Variants in BMERB1 observed in about 807,000 individuals in gnomAD.
BMERB1 encodes the protein bMERB domain-containing protein 1.
In BMERB1, 12 loss-of-function variants were observed where a neutral mutation model predicts 23.6. The ratio of observed to expected loss-of-function variants is 0.51; its 90% CI spans 0.33 to 0.82. BMERB1 has a LOEUF of 0.82. Among genes scored for constraint, BMERB1 ranks in the 40% least tolerant of loss-of-function variants. BMERB1 has a pLI of 0.03. For synonymous variants in BMERB1, 122 were observed against 96.6 expected, an observed-to-expected ratio of 1.26 and a Z score of -1.54; for missense variants, 247 against 255.4, an observed-to-expected ratio of 0.97 and a Z score of 0.22.
rs1012811670 is a variant in BMERB1, at chr16:15,503,499, C to T, written c.107-11806C>T. Among the ~76,000 whole-genome samples, 8 of 149,354 alleles carry T rather than the reference C, an allele frequency of 5.4e-5. No homozygotes were observed. In the East Asian group the frequency reaches 9.8e-4, roughly 18 times the overall value. On this transcript the variant is annotated intron_variant, in intron 1 of 5. Coordinates refer to ENST00000300006, the MANE Select transcript of BMERB1 (RefSeq NM_033201.3). ...ATTTGTAGTAGAGACGGCGTTTCAC[C>T]GTGTTATCCAGGATGGTCTCGATCT... is the stretch of plus-strand genomic sequence containing the variant.
chr16:15,520,009 C>G (rs974579119), intron 2 of BMERB1, among the ~76,000 whole-genome samples: 1 of 152,050 alleles, frequency 6.6e-6, no homozygotes. Flanking sequence ...CTGTTTCCCG[C>G]GGGCACTGAT....
At chr16:15,565,546 G>T (rs530730340) in intron 2 of BMERB1, among the ~76,000 whole-genome samples, 1 of 152,314 alleles carries the variant, frequency 6.6e-6, no homozygotes, top group Admixed American at 6.5e-5. Flanking sequence ...CAACATAGTA[G>T]ATGTTCAATA....
chr16:15,472,121 A>G (rs1156276476), intron 1 of BMERB1, among the ~76,000 whole-genome samples: 1 of 152,224 alleles, frequency 6.6e-6, no homozygotes, highest in Non-Finnish European at 1.5e-5. Context: ...GTCAGGGAAT[A>G]TAACACATAA....
chr16:15,547,435 A>G (rs1203555048), intron 2 of BMERB1, among the ~76,000 whole-genome samples: 2 of 150,410 alleles, frequency 1.3e-5, no homozygotes, highest in Non-Finnish European at 3.0e-5. Flanking sequence ...TCCGCCTCCC[A>G]GGTTCAAGCG....
chr16:15,493,694 C>T (rs2051444514), intron 1 of BMERB1, among the ~76,000 whole-genome samples: 1 of 151,884 alleles, frequency 6.6e-6, no homozygotes, highest in Non-Finnish European at 1.5e-5. Context: ...TCCCTGCGTC[C>T]CCCCTCCGCA....
intron 2 of BMERB1, among the ~76,000 whole-genome samples, chr16:15,533,341 A>C (rs539927501): frequency 1.3e-5 from 2 of 151,894 alleles, no homozygotes; most frequent in African/African-American, 4.8e-5. Context: ...GGCACCTAAG[A>C]TTTGTCTCAA....
chr16:15,555,957 A>G (rs2030245026), intron 2 of BMERB1, among the ~76,000 whole-genome samples: 2 of 152,142 alleles, frequency 1.3e-5, no homozygotes, highest in African/African-American at 4.8e-5. Context: ...AGGCGGGTGG[A>G]TCACCTGAGG....
At chr16:15,585,636 C>G (rs2031122203) in intron 5 of BMERB1, among the ~76,000 whole-genome samples, 1 of 152,118 alleles carries the variant, frequency 6.6e-6, no homozygotes, top group African/African-American at 2.4e-5. Context: ...TCGAGACCAG[C>G]CTGACCAATA....
intron 1 of BMERB1, among the ~76,000 whole-genome samples, chr16:15,446,826 A>C (rs2050994051): frequency 6.6e-6 from 1 of 152,168 alleles, no homozygotes; most frequent in African/African-American, 2.4e-5. Context: ...ACATCTCACC[A>C]CTTCAAAGTG....
At chr16:15,560,192 C>T (rs1027168112) in intron 2 of BMERB1, among the ~76,000 whole-genome samples, 2 of 152,202 alleles carry the variant, frequency 1.3e-5, no homozygotes, top group Admixed American at 1.3e-4. Flanking sequence ...TAGAGCTCCA[C>T]CTCGCTTGTC....
chr16:15,501,262 G>A lies in BMERB1; in HGVS notation c.107-14043G>A, dbSNP rs575267136. Among the ~76,000 whole-genome samples the A allele has an allele frequency of 1.2e-4, 18 of 146,838 alleles. 1 individual carries two copies. The South Asian group carries it at 3.7e-3, about 30-fold the overall frequency. On this transcript the variant is annotated intron_variant, in intron 1 of 5. Transcript: ENST00000300006. ...CCAGAGTAGCTGAGACTACAGGCAT[G>A]TGCCTCCGCACCCAGCTCTTTTTAC... is the stretch of plus-strand genomic sequence containing the variant.
intron 1 of BMERB1, among the ~76,000 whole-genome samples, chr16:15,500,972 G>C (rs1200836429): frequency 6.6e-6 from 1 of 151,962 alleles, no homozygotes; most frequent in Non-Finnish European, 1.5e-5. Flanking sequence ...TCTATTTAAA[G>C]GGTAAAATAT....
intron 1 of BMERB1, among the ~76,000 whole-genome samples, chr16:15,444,123 GTTTTTTTTTTTTTTTTT>G (rs150793082): frequency 2.8e-5 from 1 of 35,610 alleles, no homozygotes; most frequent in Non-Finnish European, 4.6e-5. Flanking sequence ...CACCAGCTTT[GTTTTTTTTTTTTTTTTT>G]TTTTTTTTTT....
At chr16:15,458,478 G>GC (rs1409912089) in intron 1 of BMERB1, among the ~76,000 whole-genome samples, 1 of 152,128 alleles carries the variant, frequency 6.6e-6, no homozygotes, top group Non-Finnish European at 1.5e-5. Context: ...ACTTTGGGAG[G>GC]CTGAGGTGGG....
At chr16:15,550,218 G>A (rs1419308941) in intron 2 of BMERB1, among the ~76,000 whole-genome samples, 1 of 152,142 alleles carries the variant, frequency 6.6e-6, no homozygotes, top group African/African-American at 2.4e-5. Context: ...GGGATTACAG[G>A]TGTGAGCCAC....
At chr16:15,486,949 T>G (rs2051374047) in intron 1 of BMERB1, among the ~76,000 whole-genome samples, 1 of 152,218 alleles carries the variant, frequency 6.6e-6, no homozygotes, top group Non-Finnish European at 1.5e-5. Context: ...AGTAAAATGC[T>G]CAGAACTCTG....
In BMERB1 at chr16:15,530,324, A is replaced by T. The variant is rs146889816; in HGVS notation, c.230+14896A>T. ...TAAATGGGTAGGGGCACTTGTGATGACATTGAGGGCCCACCTGGATAACCC... is the reference window on the plus strand; with the variant it reads ...TAAATGGGTAGGGGCACTTGTGATGTCATTGAGGGCCCACCTGGATAACCC... On this transcript the variant is annotated intron_variant, in intron 2 of 5. Coordinates refer to ENST00000300006, the MANE Select transcript of BMERB1 (RefSeq NM_033201.3). Among the ~76,000 whole-genome samples the T allele has an allele frequency of 4.9e-4, 74 of 152,342 alleles. No homozygotes were observed. The East Asian group carries it at 0.012, about 25-fold the overall frequency.
intron 1 of BMERB1, among the ~76,000 whole-genome samples, chr16:15,442,628 T>TATTAATAAAAACTC (rs2050949694): frequency 2.0e-5 from 3 of 152,184 alleles, no homozygotes; most frequent in Non-Finnish European, 4.4e-5. Context: ...TTAATAATAA[T>TATTAATAAAAACTC]ATCCATTCAA....
At chr16:15,515,483 A>G in intron 2 of BMERB1, 55 bp downstream of exon 2, 2 of 1,575,490 alleles carry the variant, frequency 1.3e-6, no homozygotes, top group Non-Finnish European at 1.7e-6. Context: ...AGAGAGGAAA[A>G]CCTAATATTT....
Sources: gnomAD v4.1 joint callset for allele counts (sites outside exome capture counted in the v4.1 genomes callset) on GRCh38, gnomAD v4.1.1 for gene constraint, MANE v1.5 for transcripts, NCBI Gene and HGNC (gene_info 2026-07-23, HGNC 2026-07-21) for gene names.